The following ITGA1 variants were observed in gnomAD, a reference collection of about 807,000 sequenced individuals.
ITGA1 encodes integrin alpha-1.
In ITGA1, 85 loss-of-function variants were observed where a neutral mutation model predicts 145.9. The ratio of observed to expected loss-of-function variants is 0.58; its 90% CI spans 0.49 to 0.70. ITGA1 has a LOEUF of 0.70. Ranked by LOEUF, ITGA1 falls within the 30% of genes least tolerant of loss-of-function variation. The pLI is 0.00. For missense variants in ITGA1, 1,351 were observed against 1,418.7 expected (o/e 0.95, Z 0.77); for synonymous variants, 520 against 495.3 (o/e 1.05, Z -0.66).
At chr5:52,866,137 C>T (rs1749683656) in intron 6 of ITGA1, among the ~76,000 whole-genome samples, 1 of 152,150 alleles carries the variant, frequency 6.6e-6, no homozygotes, top group Admixed American at 6.5e-5. Context: ...TTCTCAGCCT[C>T]TCCAGAAGCT....
intron 10 of ITGA1, 46 bp downstream of exon 10, chr5:52,897,574 T>C (rs376513605): frequency 6.7e-7 from 1 of 1,492,254 alleles, no homozygotes; most frequent in Non-Finnish European, 9.3e-7. Flanking sequence ...TTTGCAAGAC[T>C]TCCCTTCCCA....
intron 6 of ITGA1, among the ~76,000 whole-genome samples, chr5:52,867,930 T>A (rs1461209747): frequency 6.6e-6 from 1 of 151,988 alleles, no homozygotes; most frequent in Non-Finnish European, 1.5e-5. Context: ...TAGATTTCAA[T>A]CCTTTTCTAT....
chr5:52,822,029 A>T (rs998788303), intron 1 of ITGA1, among the ~76,000 whole-genome samples: 1 of 152,238 alleles, frequency 6.6e-6, no homozygotes, highest in Middle Eastern at 3.2e-3. Context: ...CTTAAATTGC[A>T]TATATTTTAT....
intron 1 of ITGA1, among the ~76,000 whole-genome samples, chr5:52,808,933 T>A (rs1031824679): frequency 1.3e-5 from 2 of 151,442 alleles, no homozygotes; most frequent in African/African-American, 4.9e-5. Context: ...CACCTACTTT[T>A]TGTCACCTAT....
intron 12 of ITGA1, among the ~76,000 whole-genome samples, chr5:52,907,823 G>A (rs1182562568): frequency 6.6e-6 from 1 of 152,124 alleles, no homozygotes; most frequent in Non-Finnish European, 1.5e-5. Context: ...AAAGCCCAGA[G>A]TTGCAAGATC....
In ITGA1 at chr5:52,939,914, G is replaced by T; in HGVS notation, c.3255G>T (p.Ser1085=). 6.2e-7 allele frequency: 1 copy of T among 1,612,512 alleles called. No individual in the cohort carries two copies. The highest frequency in any genetic ancestry group is 1.1e-5 in the South Asian group (1 of 91,046). Residue 1085 remains serine, a synonymous_variant, in exon 26 of 29, where the codon TCG becomes TCT. Coordinates refer to ENST00000282588, the MANE Select transcript of ITGA1 (RefSeq NM_181501.2). The part of the protein sequence containing the change: ...TSSDISQVNV[S]LILWKPTFIK... ...CTGACATCAGCCAAGTCAATGTTTC[G>T]CTTATCTTGTGGAAACCAACTTTTA... is the stretch of plus-strand genomic sequence containing the variant.
chr5:52,907,892 C>G (rs1161724395), intron 12 of ITGA1, among the ~76,000 whole-genome samples: 1 of 152,188 alleles, frequency 6.6e-6, no homozygotes, highest in Non-Finnish European at 1.5e-5. Context: ...TCAAGGCCCT[C>G]AAAAGCCTGT....
intron 7 of ITGA1, among the ~76,000 whole-genome samples, chr5:52,882,693 G>A (rs550633532): frequency 4.6e-5 from 7 of 152,258 alleles, no homozygotes; most frequent in South Asian, 2.1e-4. Flanking sequence ...AGAACGAACA[G>A]AATTGTCCTC....
At chr5:52,895,918 T>C (rs1446850315) in intron 9 of ITGA1, among the ~76,000 whole-genome samples, 3 of 152,206 alleles carry the variant, frequency 2.0e-5, no homozygotes, top group Non-Finnish European at 1.5e-5. Flanking sequence ...TCGGGAAATC[T>C]CCATTTCCTG....
intron 6 of ITGA1, among the ~76,000 whole-genome samples, chr5:52,876,067 G>T (rs116652014): frequency 3.3e-3 from 496 of 152,224 alleles, no homozygotes; most frequent in Non-Finnish European, 4.8e-3. Flanking sequence ...CCTCCTTGAG[G>T]ATTTTCACGT....
intron 12 of ITGA1, among the ~76,000 whole-genome samples, chr5:52,907,448 G>T (rs1398624901): frequency 6.6e-6 from 1 of 152,126 alleles, no homozygotes; most frequent in Non-Finnish European, 1.5e-5. Flanking sequence ...TACAAGACAA[G>T]AAGTGTCAAA....
chr5:52,876,719 C>T (rs989654151), intron 6 of ITGA1, among the ~76,000 whole-genome samples: 3 of 152,170 alleles, frequency 2.0e-5, no homozygotes, highest in Non-Finnish European at 2.9e-5. Context: ...AGTCCATACT[C>T]TTTACCCCTG....
At chr5:52,815,244 A>G (rs1748746528) in intron 1 of ITGA1, among the ~76,000 whole-genome samples, 1 of 152,218 alleles carries the variant, frequency 6.6e-6, no homozygotes, top group Admixed American at 6.5e-5. Context: ...TTTGGAGGTG[A>G]GCCAAAGTTA....
chr5:52,821,096 A>T (rs932228748), intron 1 of ITGA1, among the ~76,000 whole-genome samples: 1 of 152,200 alleles, frequency 6.6e-6, no homozygotes, highest in Non-Finnish European at 1.5e-5. Flanking sequence ...GCTAGCACAG[A>T]TTTATCTATT....
chr5:52,927,618 A>G lies in ITGA1; in HGVS notation c.2648A>G (p.Asn883Ser), dbSNP rs531875429. 1 of 1,612,070 alleles carries G rather than the reference A, an allele frequency of 6.2e-7. No individual in the cohort carries two copies. The highest frequency in any genetic ancestry group is 1.1e-5 in the South Asian group (1 of 90,764). ...AAAGACAGTTGTGAATCTAATCATA[A>G]TATCACATGTAAAGTTGGATATCCC... ...IQKDSCESNH[N>S]ITCKVGYPFL... The change falls in exon 20 of 29, where the codon AAT becomes AGT. Residue 883 changes from asparagine (N) to serine (S), a missense_variant. By Grantham distance (46) the Asn-to-Ser change is conservative. Transcript: ENST00000282588.
Position 52,872,621 on chromosome 5 carries a change from C to T in ITGA1, c.624+6804C>T, listed in dbSNP as rs945787711. On this transcript the variant is annotated intron_variant, in intron 6 of 28. Coordinates refer to ENST00000282588, the MANE Select transcript of ITGA1 (RefSeq NM_181501.2). ...GGGTGGAGGAGATGGAGTTTTGCTC[C>T]GATCTCAGCTCACTGCAACCTCCGC... is the stretch of plus-strand genomic sequence containing the variant. 1.2e-4 allele frequency among the ~76,000 whole-genome samples: 15 copies of T among 123,256 alleles called. No homozygotes were observed. In the South Asian group the frequency reaches 1.3e-3, roughly 11 times the overall value. 80.9% of individuals were successfully genotyped at this position (123,256 alleles called of 152,430 possible). A position where few individuals can be genotyped will look rare whatever the true frequency, so the allele number is the denominator to read the frequency against.
At chr5:52,916,347 A>G (rs1209607774) in intron 15 of ITGA1, among the ~76,000 whole-genome samples, 1 of 143,366 alleles carries the variant, frequency 7.0e-6, no homozygotes. Flanking sequence ...AATAAAATCT[A>G]TTTATGCCAG....
At chr5:52,919,047 A>C (rs1324868916) in intron 16 of ITGA1, 149 bp downstream of exon 16, 2 of 648,566 alleles carry the variant, frequency 3.1e-6, no homozygotes, top group African/African-American at 3.7e-5. Context: ...CTTGAAAAAA[A>C]ATTCTGTTGC....
At chr5:52,906,904 C>T (rs534473485) in intron 12 of ITGA1, among the ~76,000 whole-genome samples, 1 of 152,340 alleles carries the variant, frequency 6.6e-6, no homozygotes, top group African/African-American at 2.4e-5. Context: ...TTTAAAGCCC[C>T]ATGCCCTGCA....
Sources: allele counts gnomAD v4.1 joint callset (sites outside exome capture counted in the v4.1 genomes callset), GRCh38; gene constraint gnomAD v4.1.1; transcripts MANE v1.5; gene names NCBI Gene and HGNC (gene_info 2026-07-23, HGNC 2026-07-21).